The following PAK1 variants were observed in gnomAD, a reference collection of about 807,000 sequenced individuals.
The protein encoded by PAK1 is serine/threonine-protein kinase PAK 1.
In PAK1, 29 loss-of-function variants were observed where a neutral mutation model predicts 67.4. The observed-to-expected ratio is 0.43, with a 90% CI of 0.32 to 0.59. The LOEUF (loss-of-function observed/expected upper bound fraction) is 0.59, where lower values mean the gene tolerates loss of function less well. Ranked by LOEUF, PAK1 falls within the 20% of genes least tolerant of loss-of-function variation. PAK1 has a pLI of 0.07. For missense variants in PAK1, 337 were observed against 670.7 expected (o/e 0.50, Z 5.50); for synonymous variants, 223 against 237.4 (o/e 0.94, Z 0.56).
intron 10 of PAK1, among the ~76,000 whole-genome samples, chr11:77,342,132 C>T (rs1351768631): frequency 6.6e-6 from 1 of 152,142 alleles, no homozygotes; most frequent in African/African-American, 2.4e-5. Context: ...GATGGAGTTC[C>T]CCTCTGGGAC....
Position 77,473,936 on chromosome 11 carries a change from A to G in PAK1, c.-406T>C. ...CCAAGGGGGAAGGCGTCTGTGGGGG[A>G]GGACTGCAGAGCCTGTGAGGGAAGC... is the stretch of plus-strand genomic sequence containing the variant. On this transcript the variant is annotated 5_prime_UTR_variant, in exon 1 of 15. Coordinates refer to ENST00000356341, the MANE Select transcript of PAK1 (RefSeq NM_002576.5). The G allele has an allele frequency of 7.0e-6, 1 of 142,218 alleles. No individual in the cohort carries two copies. Among genetic ancestry groups the G allele is most frequent in the Non-Finnish European group, 1.5e-5 (1 of 65,354 alleles). The allele number at this position is 142,218 out of a possible 1,614,324, so 8.8% of individuals were successfully genotyped here.
At chr11:77,444,276 T>G (rs1036467280) in intron 1 of PAK1, among the ~76,000 whole-genome samples, 42 of 137,366 alleles carry the variant, frequency 3.1e-4, no homozygotes, top group Non-Finnish European at 6.2e-5. Context: ...TACGTAAACC[T>G]GGAGAGCTCT....
chr11:77,438,930 T>C (rs894009069), intron 1 of PAK1, among the ~76,000 whole-genome samples: 5 of 152,218 alleles, frequency 3.3e-5, no homozygotes, highest in Non-Finnish European at 2.9e-5. Flanking sequence ...GAGGATGAAT[T>C]TGAGGCTCTA....
intron 1 of PAK1, among the ~76,000 whole-genome samples, chr11:77,415,779 G>T (rs1954912512): frequency 6.6e-6 from 1 of 151,950 alleles, no homozygotes; most frequent in Non-Finnish European, 1.5e-5. Context: ...TGTTTACGCT[G>T]CACTAAACTT....
At chr11:77,376,992 G>A (rs1400062171) in intron 4 of PAK1, among the ~76,000 whole-genome samples, 1 of 152,036 alleles carries the variant, frequency 6.6e-6, no homozygotes, top group Non-Finnish European at 1.5e-5. Flanking sequence ...AGAATCACAT[G>A]AGGGAGCCAG....
the PAK1 span, among the ~76,000 whole-genome samples, chr11:77,481,673 CAAAAAA>C: frequency 1.1e-5 from 1 of 94,432 alleles, no homozygotes; most frequent in African/African-American, 4.0e-5. Context: ...GACTCCATCT[CAAAAAA>C]AAAAAAAAAA....
chr11:77,406,118 T>C (rs1326142875), intron 1 of PAK1, among the ~76,000 whole-genome samples: 2 of 152,212 alleles, frequency 1.3e-5, no homozygotes, highest in African/African-American at 4.8e-5. Context: ...CCTTCCTTGC[T>C]CGGAACCTTC....
rs11345153 is a variant in PAK1 at position 77,463,840 on chromosome 11, A to AT, written c.-22+9711dup. ...TCTTGCTTCCTATACAACAGCCATA[A>AT]TTTTTTTTAGTTCCTCTATGTTGAG... On this transcript the variant is annotated intron_variant, in intron 1 of 14. Transcript: ENST00000356341. 3.3e-5 allele frequency among the ~76,000 whole-genome samples: 5 copies of AT among 151,930 alleles called. 1 individual carries two copies. Among genetic ancestry groups the AT allele is most frequent in the Admixed American group, 2.0e-4 (3 of 15,264 alleles).
At chr11:77,344,522 C>T (rs766918315) in intron 9 of PAK1, among the ~76,000 whole-genome samples, 7 of 152,112 alleles carry the variant, frequency 4.6e-5, no homozygotes, top group African/African-American at 1.2e-4. Context: ...ATATGGTATA[C>T]GTTAGTTTCT....
At chr11:77,490,172 C>G in the PAK1 span, among the ~76,000 whole-genome samples, 2 of 151,682 alleles carry the variant, frequency 1.3e-5, no homozygotes, top group Non-Finnish European at 2.9e-5. Context: ...GACCCTCCGC[C>G]TGGCAACCGC....
the PAK1 span, among the ~76,000 whole-genome samples, chr11:77,480,882 A>G: frequency 6.6e-6 from 1 of 152,314 alleles, no homozygotes; most frequent in East Asian, 1.9e-4. Flanking sequence ...TGCAAGCTTC[A>G]TGACAGTAGG....
At chr11:77,425,158 C>A (rs1174947548) in intron 1 of PAK1, among the ~76,000 whole-genome samples, 1 of 151,870 alleles carries the variant, frequency 6.6e-6, no homozygotes, top group Non-Finnish European at 1.5e-5. Context: ...CCTTTATAAA[C>A]TCAAAAGTGG....
At chr11:77,400,606 G>T (rs145801179) in intron 1 of PAK1, among the ~76,000 whole-genome samples, 47 of 152,272 alleles carry the variant, frequency 3.1e-4, no homozygotes, top group Non-Finnish European at 6.2e-4. Flanking sequence ...ATGAGACCTG[G>T]AGTTTAAGAG....
chr11:77,359,048 G>C (rs1946425887), intron 5 of PAK1, 31 bp from the exon 6 acceptor site: 1 of 1,604,426 alleles, frequency 6.2e-7, no homozygotes, highest in Non-Finnish European at 8.5e-7. Context: ...AGATGCATCT[G>C]GTCCAGCTGC....
At chr11:77,381,006 C>A (rs1251119405) in intron 2 of PAK1, among the ~76,000 whole-genome samples, 1 of 152,144 alleles carries the variant, frequency 6.6e-6, no homozygotes, top group African/African-American at 2.4e-5. Context: ...GCTCAACACA[C>A]TAACCAAAAG....
intron 8 of PAK1, among the ~76,000 whole-genome samples, chr11:77,351,382 C>T (rs1482533130): frequency 1.3e-5 from 2 of 151,434 alleles, no homozygotes; most frequent in Non-Finnish European, 2.9e-5. Context: ...CTTAAATTTA[C>T]AGGAAGAAAC....
At chr11:77,381,138 A>AGAGTGTGTGTGT (rs1949753822) in intron 2 of PAK1, among the ~76,000 whole-genome samples, 1 of 144,368 alleles carries the variant, frequency 6.9e-6, no homozygotes, top group African/African-American at 2.6e-5. Flanking sequence ...CTCACCACAG[A>AGAGTGTGTGTGT]GTGTGTGTGT....
the PAK1 span, among the ~76,000 whole-genome samples, chr11:77,479,814 G>C: frequency 6.6e-6 from 1 of 151,516 alleles, no homozygotes; most frequent in African/African-American, 2.4e-5. Flanking sequence ...CACCATGTTG[G>C]CCAGGCTGGT....
At chr11:77,476,624 G>A (rs1359119841), upstream of PAK1, 2 of 152,228 alleles carry the variant, frequency 1.3e-5, no homozygotes, top group African/African-American at 4.8e-5. Context: ...GTATCCTGAT[G>A]ATACCTTAAT....
Sources: gnomAD v4.1 joint callset for allele counts (sites outside exome capture counted in the v4.1 genomes callset) on GRCh38, gnomAD v4.1.1 for gene constraint, MANE v1.5 for transcripts, NCBI Gene and HGNC (gene_info 2026-07-23, HGNC 2026-07-21) for gene names.